The following AOPEP variants were observed in gnomAD, a reference collection of about 807,000 sequenced individuals.
AOPEP encodes the protein aminopeptidase O.
A neutral mutation model predicts 98.1 loss-of-function variants in AOPEP; 77 were observed. That is an observed-to-expected ratio of 0.78 (90% confidence interval 0.65 to 0.95). The LOEUF (loss-of-function observed/expected upper bound fraction) is 0.95. Ranked by LOEUF, AOPEP falls within the 40% of genes least tolerant of loss-of-function variation. AOPEP has a pLI of 0.00. For missense variants in AOPEP, 1,024 were observed against 1,024.7 expected (o/e 1.00, Z 0.01); for synonymous variants, 346 against 365.3 (o/e 0.95, Z 0.60).
intron 3 of AOPEP, among the ~76,000 whole-genome samples, chr9:94,775,900 G>A (rs558770933): frequency 2.0e-3 from 299 of 152,108 alleles, no homozygotes; most frequent in Middle Eastern, 0.014. Flanking sequence ...GCGGGAGAAT[G>A]GTGTGAATCC....
intron 5 of AOPEP, among the ~76,000 whole-genome samples, chr9:94,802,922 C>T (rs570699183): frequency 6.6e-6 from 1 of 152,080 alleles, no homozygotes; most frequent in African/African-American, 2.4e-5. Flanking sequence ...TCAATTGATT[C>T]TGCTTGCTTG....
intron 13 of AOPEP, among the ~76,000 whole-genome samples, chr9:95,020,829 G>A (rs914434780): frequency 2.7e-5 from 4 of 149,240 alleles, no homozygotes; most frequent in Non-Finnish European, 5.9e-5. Flanking sequence ...GAGGTGGGAG[G>A]ATTGCCTGAG....
chr9:94,865,025 C>T (rs996975571), intron 5 of AOPEP, among the ~76,000 whole-genome samples: 4 of 152,104 alleles, frequency 2.6e-5, no homozygotes, highest in Non-Finnish European at 5.9e-5. Flanking sequence ...AACACACACT[C>T]GAGTAATTTT....
chr9:94,899,430 C>T (rs1029125268), intron 5 of AOPEP, among the ~76,000 whole-genome samples: 12 of 150,038 alleles, frequency 8.0e-5, no homozygotes, highest in Non-Finnish European at 1.5e-4. Flanking sequence ...TTTTTTTAAC[C>T]GTGCAACTGT....
intron 11 of AOPEP, among the ~76,000 whole-genome samples, chr9:94,986,621 A>G (rs905860427): frequency 1.1e-4 from 16 of 152,214 alleles, no homozygotes; most frequent in African/African-American, 3.9e-4. Context: ...TCTTCATGGC[A>G]TGCGAGAGAA....
At chr9:95,084,811 C>T (rs2070403249) in intron 16 of AOPEP, among the ~76,000 whole-genome samples, 2 of 152,000 alleles carry the variant, frequency 1.3e-5, no homozygotes, top group Admixed American at 1.3e-4. Context: ...GGAACAGTGG[C>T]CGGGATTGTC....
At chr9:94,977,855 A>G (rs1424122157) in intron 10 of AOPEP, among the ~76,000 whole-genome samples, 5 of 151,740 alleles carry the variant, frequency 3.3e-5, no homozygotes, top group African/African-American at 1.2e-4. Context: ...ACAGAGGGCC[A>G]TCATCTTTCA....
the AOPEP span, among the ~76,000 whole-genome samples, chr9:95,133,144 C>T: frequency 2.6e-5 from 4 of 152,244 alleles, no homozygotes; most frequent in African/African-American, 9.6e-5. Flanking sequence ...AATTAGGAAG[C>T]AGGCTCTTCA....
the AOPEP span, among the ~76,000 whole-genome samples, chr9:95,128,304 T>C: frequency 2.0e-4 from 30 of 152,372 alleles, no homozygotes; most frequent in Middle Eastern, 3.4e-3. Context: ...TTTTCAAAGT[T>C]TGTACAACAA....
chr9:94,811,714 C>G (rs1420090034), intron 5 of AOPEP, among the ~76,000 whole-genome samples: 1 of 152,182 alleles, frequency 6.6e-6, no homozygotes, highest in Admixed American at 6.5e-5. Flanking sequence ...CTGCCCAGGC[C>G]CCTGTGCCTG....
At chr9:95,103,209 G>A in the AOPEP span, among the ~76,000 whole-genome samples, 2 of 152,038 alleles carry the variant, frequency 1.3e-5, no homozygotes, top group Non-Finnish European at 2.9e-5. Context: ...AAGAAAGGCC[G>A]AGTTGTCATT....
In AOPEP at chr9:95,063,881, GCTGA is replaced by G. The variant is rs2067577208; in HGVS notation, c.2232+3078_2232+3081del. Among the ~76,000 whole-genome samples, 3 of 151,334 alleles carry G rather than the reference GCTGA, an allele frequency of 2.0e-5. No homozygotes were observed. In the South Asian group the frequency reaches 6.3e-4, roughly 32 times the overall value. Reference sequence around the variant, plus strand: ...CGTGTGCACGTGAGCGGCTCTTCCTGCTGACTGACTACAGCTAATTGACAAAAGG... The same window carrying G: ...CGTGTGCACGTGAGCGGCTCTTCCTGCTGACTACAGCTAATTGACAAAAGG... On this transcript the variant is annotated intron_variant, in intron 14 of 16. Coordinates refer to ENST00000375315, the MANE Select transcript of AOPEP (RefSeq NM_001193329.3).
intron 5 of AOPEP, among the ~76,000 whole-genome samples, chr9:94,912,024 C>G (rs1294276654): frequency 2.6e-5 from 4 of 152,170 alleles, no homozygotes; most frequent in Non-Finnish European, 5.9e-5. Context: ...CAAGGACTTC[C>G]AGCAGCATAG....
chr9:94,838,696 T>C (rs1173067282), intron 5 of AOPEP, among the ~76,000 whole-genome samples: 2 of 152,224 alleles, frequency 1.3e-5, no homozygotes, highest in Admixed American at 1.3e-4. Flanking sequence ...ATCTTGACCA[T>C]GGTTATTCCC....
chr9:94,876,233 C>T (rs574916601), intron 5 of AOPEP, among the ~76,000 whole-genome samples: 10 of 152,254 alleles, frequency 6.6e-5, no homozygotes, highest in African/African-American at 2.2e-4. Context: ...CATAATAACC[C>T]GGAGACATAC....
intron 9 of AOPEP, among the ~76,000 whole-genome samples, chr9:94,963,724 A>G (rs896271220): frequency 2.0e-5 from 3 of 152,210 alleles, no homozygotes; most frequent in African/African-American, 4.8e-5. Context: ...AGAATCAGCT[A>G]TGAAAAAAGT....
intron 10 of AOPEP, among the ~76,000 whole-genome samples, chr9:94,976,481 T>C (rs2059848167): frequency 6.6e-6 from 1 of 152,192 alleles, no homozygotes; most frequent in African/African-American, 2.4e-5. Context: ...AAGTCGCTCC[T>C]CGGACTTCTC....
At chr9:95,150,086 T>C in the AOPEP span, 5 of 1,614,092 alleles carry the variant, frequency 3.1e-6, no homozygotes, top group Non-Finnish European at 4.2e-6. Flanking sequence ...TCGGGAGCCA[T>C]TCTATGGAAG....
chr9:95,122,520 G>A, the AOPEP span, among the ~76,000 whole-genome samples: 8 of 152,170 alleles, frequency 5.3e-5, no homozygotes, highest in Admixed American at 4.6e-4. Flanking sequence ...GGCGAGGGTG[G>A]TGAATTCCTG....
Sources: allele counts gnomAD v4.1 joint callset (sites outside exome capture counted in the v4.1 genomes callset), GRCh38; gene constraint gnomAD v4.1.1; transcripts MANE v1.5; gene names NCBI Gene and HGNC (gene_info 2026-07-23, HGNC 2026-07-21).